Variants in COQ6 observed in about 807,000 individuals in gnomAD.
The protein encoded by COQ6 is ubiquinone biosynthesis monooxygenase COQ6, mitochondrial.
Under a neutral mutation model 55.5 loss-of-function variants are expected in COQ6, and 45 were observed. The ratio of observed to expected loss-of-function variants is 0.81; its 90% CI spans 0.64 to 1.04. The LOEUF is 1.04. Among genes scored for constraint, COQ6 ranks in the 50% least tolerant of loss-of-function variants. The pLI is 0.00. For synonymous variants in COQ6, 206 were observed against 230.5 expected (o/e 0.89, Z 0.96); for missense variants, 550 against 601.3 (o/e 0.91, Z 0.89).
intron 2 of COQ6, among the ~76,000 whole-genome samples, chr14:73,954,391 G>A (rs1213098092): frequency 6.6e-6 from 1 of 152,182 alleles, no homozygotes; most frequent in Non-Finnish European, 1.5e-5. Flanking sequence ...CTTGAGCCCA[G>A]GAGTTTAAGT....
At position 73,953,487 on chromosome 14, in the gene COQ6, A is replaced by G; in HGVS notation, c.216A>G (p.Pro72=). 6.2e-7 allele frequency: 1 copy of G among 1,614,184 alleles called. No homozygotes were observed. The highest frequency in any genetic ancestry group is 8.5e-7 in the Non-Finnish European group (1 of 1,180,012). The change falls in exon 2 of 12, where the codon CCA becomes CCG. Residue 72 remains proline (P), a synonymous_variant. Transcript: ENST00000334571. ...AAATCCTGTTGCTCGAAGCAGGTCC[A>G]AAGAAAGTACTGGAGAAATTGTCAG... ...DKKILLLEAG[P]KKVLEKLSET...
chr14:73,958,256 C>T lies in COQ6; in HGVS notation c.591C>T (p.Ser197=). ...TTCATATTACCCTAGGTGATGGCAG[C>T]ACCTTCCAGACCAAATTGTTGGTAG... ...PWVHITLGDG[S]TFQTKLLIGA... is the part of the protein sequence containing the mutation. The change falls in exon 5 of 12, where the codon AGC becomes AGT. Residue 197 remains serine, a synonymous_variant. Coordinates refer to ENST00000334571, the MANE Select transcript of COQ6 (RefSeq NM_182476.3). The T allele has an allele frequency of 6.2e-7, 1 of 1,614,026 alleles. No homozygotes were observed. The highest frequency in any genetic ancestry group is 8.5e-7 in the Non-Finnish European group (1 of 1,179,880).
rs564107029 is a variant in COQ6 at position 73,961,263 on chromosome 14, G to A, written c.982G>A (p.Ala328Thr). The change falls in exon 9 of 12, where the codon GCT becomes ACT. Residue 328 changes from alanine to threonine, a missense_variant. By Grantham distance (58) the Ala-to-Thr change is moderately conservative. Coordinates refer to ENST00000334571, the MANE Select transcript of COQ6 (RefSeq NM_182476.3). The stretch of plus-strand genomic sequence containing the variant: ...CCTTCTGAAGCCCACTAAGGTCTCG[G>A]CTCGCCAGCTGCCCCCAAGCGTAGC... Reference protein sequence around the residue: ...VSLLKPTKVSARQLPPSVARV... With the variant: ...VSLLKPTKVSTRQLPPSVARV... 208 of 1,614,118 alleles carry A rather than the reference G, an allele frequency of 1.3e-4. 3 individuals carry two copies. In the South Asian group the frequency reaches 2.1e-3, roughly 17 times the overall value.
chr14:73,954,949 A>ATTTTTTTT (rs1446614095), intron 2 of COQ6, among the ~76,000 whole-genome samples: 1 of 91,730 alleles, frequency 1.1e-5, no homozygotes, highest in Non-Finnish European at 2.1e-5. Flanking sequence ...TTTTTTTTTT[A>ATTTTTTTT]TTTTATTTTT....
At chr14:73,959,321 G>T in intron 7 of COQ6, 94 bp from the exon 8 acceptor site, 1 of 1,614,074 alleles carries the variant, frequency 6.2e-7, no homozygotes, top group Non-Finnish European at 8.5e-7. Context: ...ATCTGCCCAG[G>T]CTGTTTGTAA....
chr14:73,963,129 T>C lies in COQ6; in HGVS notation c.*130T>C. The C allele has an allele frequency of 1.2e-6, 1 of 837,666 alleles. No homozygotes were observed. The highest frequency in any genetic ancestry group is 1.9e-5 in the Admixed American group (1 of 51,682). The allele number at this position is 837,666 out of a possible 1,614,324, so 51.9% of individuals were successfully genotyped here. The stretch of plus-strand genomic sequence containing the variant: ...ACATTAAAATTCTCTTTTTCTTCTT[T>C]GCTTAATGGGCCTGTGGCACCCAAA... On this transcript the variant is annotated 3_prime_UTR_variant, in exon 12 of 12. Coordinates refer to ENST00000334571, the MANE Select transcript of COQ6 (RefSeq NM_182476.3).
intron 2 of COQ6, among the ~76,000 whole-genome samples, chr14:73,954,150 T>C (rs2056309328): frequency 1.3e-5 from 2 of 152,258 alleles, no homozygotes; most frequent in Admixed American, 6.5e-5. Flanking sequence ...ATTATGTGTT[T>C]GTTTTTTATT....
At chr14:73,953,412 G>C (rs377360813) in intron 1 of COQ6, 23 bp from the exon 2 acceptor site, 1 of 1,588,316 alleles carries the variant, frequency 6.3e-7, no homozygotes, top group South Asian at 1.1e-5. Flanking sequence ...TTCCTAAGAT[G>C]ATATAAATTT....
At chr14:73,959,593 T>C (rs2056613644) in intron 8 of COQ6, 71 bp downstream of exon 8, 1 of 1,610,776 alleles carries the variant, frequency 6.2e-7, no homozygotes, top group Non-Finnish European at 8.5e-7. Flanking sequence ...TTTTTTTTTT[T>C]TGAAACGGAT....
upstream of COQ6, chr14:73,950,190 C>G: frequency 6.4e-7 from 1 of 1,556,880 alleles, no homozygotes; most frequent in Non-Finnish European, 8.6e-7. Flanking sequence ...GGTTCGTTTT[C>G]CGATTGGCCT....
At chr14:73,951,387 T>C (rs993914157) in intron 1 of COQ6, among the ~76,000 whole-genome samples, 18 of 137,228 alleles carry the variant, frequency 1.3e-4, no homozygotes, top group East Asian at 1.1e-3. Context: ...TTTTTTTTTT[T>C]CCCTGAGATG....
chr14:73,949,939 C>A, upstream of COQ6: 1 of 1,611,464 alleles, frequency 6.2e-7, no homozygotes, highest in East Asian at 2.2e-5. Context: ...CTCCGGGATT[C>A]CTTTCCCGGG....
chr14:73,957,008 A>T (rs1232779749), intron 4 of COQ6, among the ~76,000 whole-genome samples: 1 of 152,138 alleles, frequency 6.6e-6, no homozygotes, highest in African/African-American at 2.4e-5. Context: ...CTGTAATTGC[A>T]GTTGTCTCTG....
Position 73,955,847 on chromosome 14 carries a change from G to C in COQ6, c.400G>C (p.Asp134His). 1 of 1,614,148 alleles carries C rather than the reference G, an allele frequency of 6.2e-7. No individual in the cohort carries two copies. The highest frequency in any genetic ancestry group is 8.5e-7 in the Non-Finnish European group (1 of 1,180,028). The change falls in exon 4 of 12, where the codon GAT (aspartate) becomes CAT (histidine). Residue 134 changes from aspartate to histidine, a missense_variant. Coordinates refer to ENST00000334571, the MANE Select transcript of COQ6 (RefSeq NM_182476.3). ...AGAGGCCCTGATAATGTTTGATAAG[G>C]ATAATTTAGATGACATGGGCTATAT... ...CSEALIMFDK[D>H]NLDDMGYIVE...
Position 73,961,492 on chromosome 14 carries a change from G to A in COQ6, c.1132G>A (p.Gly378Ser), listed in dbSNP as rs1191162784. 4.3e-6 allele frequency: 7 copies of A among 1,614,130 alleles called. No homozygotes were observed. Among genetic ancestry groups the A allele is most frequent in the Non-Finnish European group, 5.9e-6 (7 of 1,180,022 alleles). Reference sequence around the variant, plus strand: ...CAGAGTCCATCCGCTTGCAGGACAGGGTGTCAACATGGGCTTTGGGGATAT... The same window carrying A: ...CAGAGTCCATCCGCTTGCAGGACAGAGTGTCAACATGGGCTTTGGGGATAT... ...AHRVHPLAGQGVNMGFGDISS... is the reference protein window; with the variant it reads ...AHRVHPLAGQSVNMGFGDISS... Residue 378 changes from glycine to serine, a missense_variant, in exon 10 of 12, where the codon GGT (glycine) becomes AGT (serine). Physicochemically the swap from Gly to Ser is moderately conservative, Grantham distance 56. Transcript: ENST00000334571.
At chr14:73,962,024 T>C (rs1428525759) in intron 11 of COQ6, 121 bp downstream of exon 11, 2 of 1,132,286 alleles carry the variant, frequency 1.8e-6, no homozygotes, top group Non-Finnish European at 2.6e-6. Context: ...TTCCACTCAC[T>C]GCAGCCTCTG....
chr14:73,955,771 G>C, intron 3 of COQ6, 34 bp from the exon 4 acceptor site: 1 of 1,614,086 alleles, frequency 6.2e-7, no homozygotes, highest in South Asian at 1.1e-5. Flanking sequence ...TTTCCCTCTT[G>C]GTTTTAATGC....
chr14:73,960,577 C>T (rs2056669739), intron 8 of COQ6: 1 of 1,028,634 alleles, frequency 9.7e-7, no homozygotes. Context: ...AGGTCTAGGT[C>T]CTCTGCAGTG....
chr14:73,949,983 C>T (rs936353971), upstream of COQ6: 1 of 1,613,606 alleles, frequency 6.2e-7, no homozygotes, highest in Non-Finnish European at 8.5e-7. Context: ...CTGACGGCTC[C>T]CCTCCGCGCC....
Sources: allele counts gnomAD v4.1 joint callset (sites outside exome capture counted in the v4.1 genomes callset), GRCh38; gene constraint gnomAD v4.1.1; transcripts MANE v1.5; gene names NCBI Gene and HGNC (gene_info 2026-07-23, HGNC 2026-07-21).